Variants in UNC5A observed in about 807,000 individuals in gnomAD.
The protein encoded by UNC5A is unc-5 netrin receptor A.
In UNC5A, 20 loss-of-function variants were observed where a neutral mutation model predicts 87.4. The ratio of observed to expected loss-of-function variants is 0.23; its 90% CI spans 0.16 to 0.33. The LOEUF (loss-of-function observed/expected upper bound fraction) is 0.33. Among genes scored for constraint, UNC5A ranks in the 10% least tolerant of loss-of-function variants. The pLI is 1.00. For missense variants in UNC5A, 844 were observed against 1,133.4 expected (o/e 0.74, Z 3.67); for synonymous variants, 438 against 482.3 (o/e 0.91, Z 1.20).
intron 6 of UNC5A, 88 bp from the exon 7 acceptor site, chr5:176,873,880 C>A (rs1360342247): frequency 2.1e-6 from 3 of 1,444,510 alleles, no homozygotes; most frequent in Non-Finnish European, 1.9e-6. Context: ...GGGGTGCAGA[C>A]CTCATCCTCC....
intron 3 of UNC5A, 65 bp downstream of exon 3, chr5:176,868,338 A>C: frequency 6.3e-7 from 1 of 1,598,766 alleles, no homozygotes; most frequent in Non-Finnish European, 8.5e-7. Context: ...GAGAGGGGAC[A>C]GTAGGCTTCC....
rs373426272 is a variant in UNC5A at position 176,828,352 on chromosome 5, G to A, written c.70+17532G>A. On this transcript the variant is annotated intron_variant, in intron 1 of 14. Transcript: ENST00000329542. The stretch of plus-strand genomic sequence containing the variant: ...GGGGCAGTGGGGGTGAGGGAGCCCC[G>A]AGTGTGATGTCACTCATGGCATCAG... Among the ~76,000 whole-genome samples the A allele has an allele frequency of 2.5e-4, 38 of 152,214 alleles. No individual in the cohort carries two copies. The East Asian group carries it at 4.6e-3, about 19-fold the overall frequency.
At chr5:176,814,590 C>T (rs1355983191) in intron 1 of UNC5A, among the ~76,000 whole-genome samples, 3 of 152,232 alleles carry the variant, frequency 2.0e-5, no homozygotes, top group Non-Finnish European at 2.9e-5. Flanking sequence ...ACCTCCTCCC[C>T]TGCAAAGGGG....
chr5:176,843,192 GAAAAA>G (rs911186408), intron 1 of UNC5A, among the ~76,000 whole-genome samples: 5 of 149,860 alleles, frequency 3.3e-5, no homozygotes, highest in African/African-American at 1.3e-4. Context: ...AAGAAAGAAA[GAAAAA>G]AAGAAAAGAA....
At chr5:176,846,733 T>C (rs1244178627) in intron 1 of UNC5A, among the ~76,000 whole-genome samples, 1 of 152,160 alleles carries the variant, frequency 6.6e-6, no homozygotes, top group African/African-American at 2.4e-5. Context: ...GAATCTAAGC[T>C]GCTGCCCAGG....
chr5:176,877,272 G>A lies in UNC5A; in HGVS notation c.1459G>A (p.Asp487Asn). 1 of 1,612,230 alleles carries A rather than the reference G, an allele frequency of 6.2e-7. No individual in the cohort carries two copies. Among genetic ancestry groups the A allele is most frequent in the Non-Finnish European group, 8.5e-7 (1 of 1,179,508 alleles). ...EIYLTLHKPE[D>N]VRLPLAGCQT... ...CTACCTCACGCTGCACAAGCCGGAA[G>A]ACGTGAGGTGTGGCCGCGGGCCCTG... The change falls in exon 9 of 15, where the codon GAC becomes AAC. Residue 487 changes from aspartate to asparagine, a missense_variant. Physicochemically the swap from Asp to Asn is conservative, Grantham distance 23. Around this residue, in one of 3 missense-constraint regions of UNC5A, gnomAD observed 353 missense variants for 387.5 expected, o/e 0.91. Transcript: ENST00000329542.
At chr5:176,852,294 A>G in intron 1 of UNC5A, among the ~76,000 whole-genome samples, 1 of 151,700 alleles carries the variant, frequency 6.6e-6, no homozygotes, top group South Asian at 2.1e-4. Flanking sequence ...ACACAGAAAC[A>G]CTACATACAC....
rs1300568411 is a variant in UNC5A, at chr5:176,848,203, C to T, written c.71-14421C>T. On this transcript the variant is annotated intron_variant, in intron 1 of 14. Transcript: ENST00000329542. This position sits in a 1 kb window ranked among gnomAD's most constrained non-coding sequence, Gnocchi z 5.8. ...ACCGCCCCCCGCACCCAGATCCCTC[C>T]GCCCCTCAGCCTGGTGTGACATCCT... Among the ~76,000 whole-genome samples, 10 of 152,124 alleles carry T rather than the reference C, an allele frequency of 6.6e-5. No individual in the cohort carries two copies. Among genetic ancestry groups the T allele is most frequent in the Non-Finnish European group, 1.0e-4 (7 of 68,006 alleles).
rs1198259346 is a variant in UNC5A, at chr5:176,877,844, C to T, written c.1636-50C>T. 2.6e-6 allele frequency: 4 copies of T among 1,554,698 alleles called. No homozygotes were observed. In the African/African-American group the frequency reaches 5.4e-5, roughly 21 times the overall value. ...GCCACTTCTTGAAGCCACAGCTGGC[C>T]CTAGGGCTCTGAGGCTGGGCCGAAT... On this transcript the variant is annotated intron_variant, in intron 10 of 14. Coordinates refer to ENST00000329542, the MANE Select transcript of UNC5A (RefSeq NM_133369.3).
intron 1 of UNC5A, among the ~76,000 whole-genome samples, chr5:176,827,767 C>T (rs1756890745): frequency 6.6e-6 from 1 of 152,222 alleles, no homozygotes; most frequent in African/African-American, 2.4e-5. Context: ...TTCTCACTAG[C>T]AATAACGAGG....
intron 1 of UNC5A, among the ~76,000 whole-genome samples, chr5:176,811,256 T>C (rs548900483): frequency 6.6e-6 from 1 of 152,322 alleles, no homozygotes; most frequent in East Asian, 1.9e-4. Context: ...GCATCTGCCC[T>C]AAACAGCCAC....
Position 176,848,740 on chromosome 5 carries a change from A to G in UNC5A, c.71-13884A>G, listed in dbSNP as rs977025198. On this transcript the variant is annotated intron_variant, in intron 1 of 14. Coordinates refer to ENST00000329542, the MANE Select transcript of UNC5A (RefSeq NM_133369.3). The surrounding 1 kb of genome is among the most constrained non-coding windows in gnomAD (Gnocchi z 5.8). ...TGTGCCGCTGGTTGCAGGAGGCTTC[A>G]GCTGCCTCACCCAGGGGCAGGAGCT... 6.6e-6 allele frequency among the ~76,000 whole-genome samples: 1 copy of G among 152,176 alleles called. No homozygotes were observed. The highest frequency in any genetic ancestry group is 1.5e-5 in the Non-Finnish European group (1 of 68,014).
At chr5:176,836,700 C>T (rs2113615020) in intron 1 of UNC5A, among the ~76,000 whole-genome samples, 1 of 152,288 alleles carries the variant, frequency 6.6e-6, no homozygotes, top group South Asian at 2.1e-4. Context: ...CACTATGCCC[C>T]AGCCTGACAG....
rs988860465 is a variant in UNC5A at position 176,865,142 on chromosome 5, A to G, written c.292+2297A>G. On this transcript the variant is annotated intron_variant, in intron 2 of 14. Coordinates refer to ENST00000329542, the MANE Select transcript of UNC5A (RefSeq NM_133369.3). The surrounding 1 kb of genome is among the most constrained non-coding windows in gnomAD (Gnocchi z 5.3). ...GGGGCCTTTCCTTTCTCCCCACCCC[A>G]CACCCGGGGCCCAGCGTCCCTTCAG... Among the ~76,000 whole-genome samples, 1 of 152,084 alleles carries G rather than the reference A, an allele frequency of 6.6e-6. No individual in the cohort carries two copies. Among genetic ancestry groups the G allele is most frequent in the Non-Finnish European group, 1.5e-5 (1 of 67,998 alleles).
At chr5:176,852,816 C>T (rs1359310398) in intron 1 of UNC5A, among the ~76,000 whole-genome samples, 4 of 152,240 alleles carry the variant, frequency 2.6e-5, no homozygotes, top group African/African-American at 7.2e-5. Flanking sequence ...GTTCACTCTG[C>T]GTTTGCGACA....
In UNC5A at chr5:176,874,705, A is replaced by C. The variant is rs886331975; in HGVS notation, c.1378+139A>C. 1 of 1,037,182 alleles carries C rather than the reference A, an allele frequency of 9.6e-7. No individual in the cohort carries two copies. Among genetic ancestry groups the C allele is most frequent in the African/African-American group, 1.7e-5 (1 of 60,148 alleles). 64.2% of individuals were successfully genotyped at this position (1,037,182 alleles called of 1,614,324 possible). A position where few individuals can be genotyped will look rare whatever the true frequency, so the allele number is the denominator to read the frequency against. On this transcript the variant is annotated intron_variant, in intron 8 of 14. Transcript: ENST00000329542. This position sits in a 1 kb window ranked among gnomAD's most constrained non-coding sequence, Gnocchi z 7.6. ...GGGGGTGGAGTTTTGGGGAGAACCC[A>C]GTCTTGGCTGGCACCGAGGCCGTGG...
intron 1 of UNC5A, among the ~76,000 whole-genome samples, chr5:176,816,173 T>A (rs879571973): frequency 3.3e-5 from 5 of 152,110 alleles, no homozygotes; most frequent in Admixed American, 3.3e-4. Context: ...AGCAGCAGGC[T>A]CCCCCAGGAA....
intron 1 of UNC5A, among the ~76,000 whole-genome samples, chr5:176,831,885 CTTTT>C (rs10580672): frequency 1.1e-4 from 3 of 27,700 alleles, no homozygotes; most frequent in African/African-American, 1.8e-4. Context: ...TTCTCTCTCT[CTTTT>C]TTTTTTTTTT....
chr5:176,877,850 G>A (rs1758301870), intron 10 of UNC5A, 44 bp from the exon 11 acceptor site: 2 of 1,562,134 alleles, frequency 1.3e-6, no homozygotes, highest in Non-Finnish European at 1.7e-6. Flanking sequence ...TGGCCCTAGG[G>A]CTCTGAGGCT....
Sources: gnomAD v4.1 joint callset for allele counts (sites outside exome capture counted in the v4.1 genomes callset) on GRCh38, gnomAD v4.1.1 for gene constraint, gnomAD v4.1.1 regional missense constraint, Gnocchi (gnomAD v3.1) non-coding constraint, MANE v1.5 for transcripts, NCBI Gene and HGNC (gene_info 2026-07-23, HGNC 2026-07-21) for gene names.